ABCC12: variants seen among roughly 807,000 people sequenced by gnomAD.
ABCC12 encodes the protein ATP binding cassette subfamily C member 12, also known as ATP-binding cassette sub-family C member 12.
ABCC12 carries 142 observed loss-of-function variants against 151.1 expected under a neutral mutation model. The observed-to-expected ratio is 0.94, with a 90% CI of 0.82 to 1.08. The LOEUF (loss-of-function observed/expected upper bound fraction) is 1.08, where lower values mean the gene tolerates loss of function less well. Among genes scored for constraint, ABCC12 ranks in the 50% least tolerant of loss-of-function variants. The pLI is 0.00. For synonymous variants in ABCC12, 645 were observed against 646.4 expected, an observed-to-expected ratio of 1.00 and a Z score of 0.03; for missense variants, 1,638 against 1,691.1, an observed-to-expected ratio of 0.97 and a Z score of 0.55.
At chr16:48,114,645 C>T (rs1015509490) in intron 15 of ABCC12, among the ~76,000 whole-genome samples, 3 of 152,184 alleles carry the variant, frequency 2.0e-5, no homozygotes, top group African/African-American at 7.2e-5. Flanking sequence ...TGCACTGCCC[C>T]CCCTTCCCCC....
At chr16:48,095,658 G>A (rs1186552385) in intron 24 of ABCC12, among the ~76,000 whole-genome samples, 1 of 150,662 alleles carries the variant, frequency 6.6e-6, no homozygotes, top group Non-Finnish European at 1.5e-5. Flanking sequence ...AAGAAACATA[G>A]AGAATTGATG....
chr16:48,128,361 C>G (rs1429429772), intron 11 of ABCC12, 98 bp downstream of exon 11: 2 of 1,515,124 alleles, frequency 1.3e-6, no homozygotes, highest in Non-Finnish European at 1.8e-6. Context: ...CCATCACCAC[C>G]TTCAGCTCTA....
chr16:48,105,006 C>A (rs1162184314), intron 21 of ABCC12, 133 bp downstream of exon 21: 1 of 1,017,842 alleles, frequency 9.8e-7, no homozygotes, highest in Non-Finnish European at 1.5e-6. Flanking sequence ...GAGACTCTTC[C>A]CAGACTAGAC....
chr16:48,091,006 C>A, intron 25 of ABCC12, 114 bp downstream of exon 25: 2 of 1,040,588 alleles, frequency 1.9e-6, no homozygotes, highest in South Asian at 1.3e-5. Flanking sequence ...CCACCACGCC[C>A]GGCCCGATTT....
rs1183120511 is a variant in ABCC12 at position 48,115,612 on chromosome 16, C to T, written c.1792G>A (p.Glu598Lys). ...LPYGDLTEIG[E>K]RGLNLSGGQR... ...CCCCCAGAGAGGTTGAGGCCCCGCT[C>T]CCCAATCTGTGGACAGGGACAATGC... Residue 598 changes from glutamate (E) to lysine (K), a missense_variant, in exon 15 of 31, where the codon GAG (glutamate) becomes AAG (lysine). Physicochemically the swap from Glu to Lys is moderately conservative, Grantham distance 56 (BLOSUM62 1). Transcript: ENST00000311303. The T allele has an allele frequency of 1.2e-6, 2 of 1,613,166 alleles. No homozygotes were observed. Among genetic ancestry groups the T allele is most frequent in the African/African-American group, 1.3e-5 (1 of 74,930 alleles).
Position 48,141,206 on chromosome 16 carries a change from C to G in ABCC12, c.423G>C (p.Pro141=). 1 of 1,613,406 alleles carries G rather than the reference C, an allele frequency of 6.2e-7. No individual in the cohort carries two copies. The change falls in exon 5 of 31, where the codon CCG becomes CCC. Residue 141 remains proline, a splice_region_variant and synonymous_variant. Transcript: ENST00000311303. ...GAGGAGGAAGGGCTGCCGCACTCAC[C>G]GGCCCTATGGCTGCCATGATGATGC... is the stretch of plus-strand genomic sequence containing the variant. The part of the protein sequence containing the change: ...ILCIIMAAIG[P]TVLIHQILQQ...
At chr16:48,095,420 T>C (rs1963062176) in intron 24 of ABCC12, among the ~76,000 whole-genome samples, 2 of 152,194 alleles carry the variant, frequency 1.3e-5, no homozygotes, top group African/African-American at 4.8e-5. Context: ...ATCAGCAGTG[T>C]GAGAACTAAC....
chr16:48,145,380 T>C (rs74018276), intron 3 of ABCC12, among the ~76,000 whole-genome samples: 4,893 of 152,310 alleles, frequency 0.032, 250 homozygotes, highest in African/African-American at 0.11. Flanking sequence ...TACAATATGC[T>C]GCAAGGTTGA....
intron 15 of ABCC12, among the ~76,000 whole-genome samples, chr16:48,112,849 C>T (rs942459420): frequency 6.6e-6 from 1 of 152,136 alleles, no homozygotes; most frequent in Non-Finnish European, 1.5e-5. Flanking sequence ...GATAAAAACA[C>T]AGCTACATTT....
rs555574521 is a variant in ABCC12, at chr16:48,143,108, A to T, written c.275+802T>A. 3.3e-5 allele frequency among the ~76,000 whole-genome samples: 5 copies of T among 152,356 alleles called. No individual in the cohort carries two copies. In the South Asian group the frequency reaches 1.0e-3, roughly 32 times the overall value. On this transcript the variant is annotated intron_variant, in intron 4 of 30. Transcript: ENST00000311303. ...GTCAAATATTGGCAGTTTCATTAGGATCAACCTAAATATATTTTGTAATAT... is the reference window on the plus strand; with the variant it reads ...GTCAAATATTGGCAGTTTCATTAGGTTCAACCTAAATATATTTTGTAATAT...
At chr16:48,098,351 A>C (rs1425579160) in intron 23 of ABCC12, among the ~76,000 whole-genome samples, 1 of 152,156 alleles carries the variant, frequency 6.6e-6, no homozygotes, top group Non-Finnish European at 1.5e-5. Context: ...TTCCACGCTT[A>C]AAGCCCTAAG....
rs750844351 is a variant in ABCC12 at position 48,130,861 on chromosome 16, T to C, written c.1163A>G (p.Lys388Arg). Residue 388 changes from lysine (K) to arginine (R), a missense_variant, in exon 10 of 31, where the codon AAG (lysine) becomes AGG (arginine). By Grantham distance (26) the Lys-to-Arg change is conservative. Coordinates refer to ENST00000311303, the MANE Select transcript of ABCC12 (RefSeq NM_001393797.1). The part of the protein sequence containing the change: ...FSVIAMFNVM[K>R]FSIAILPFSI... ...GAAGGGCAAGATTGCAATGGAAAACTTCATTACATTAAACATGGCAATCAC... is the reference window on the plus strand; with the variant it reads ...GAAGGGCAAGATTGCAATGGAAAACCTCATTACATTAAACATGGCAATCAC... 2.9e-5 allele frequency: 46 copies of C among 1,613,462 alleles called. No individual in the cohort carries two copies. Among genetic ancestry groups the C allele is most frequent in the East Asian group, 1.1e-4 (5 of 44,898 alleles).
intron 4 of ABCC12, 128 bp downstream of exon 4, chr16:48,143,782 G>A (rs1964902188): frequency 3.1e-5 from 38 of 1,218,788 alleles, no homozygotes; most frequent in Non-Finnish European, 3.9e-5. Flanking sequence ...TGATTGTGAG[G>A]CCTCCCCAGT....
chr16:48,150,491 A>C (rs557621636), intron 2 of ABCC12, among the ~76,000 whole-genome samples: 1 of 152,340 alleles, frequency 6.6e-6, no homozygotes, highest in East Asian at 1.9e-4. Context: ...AAAAAGCTGC[A>C]GAAAAATACA....
At position 48,121,847 on chromosome 16, in the gene ABCC12, C is replaced by A. The variant is rs777763653; in HGVS notation, c.1588-7G>T. Reference sequence around the variant, plus strand: ...CCCCTTTCTGCAGCTGCATCTGGAACAACAAGACGGGAGAAGCTTCAGGAG... The same window carrying A: ...CCCCTTTCTGCAGCTGCATCTGGAAAAACAAGACGGGAGAAGCTTCAGGAG... On this transcript the variant is annotated splice_polypyrimidine_tract_variant and splice_region_variant and intron_variant, in intron 12 of 30. Coordinates refer to ENST00000311303, the MANE Select transcript of ABCC12 (RefSeq NM_001393797.1). 23 of 1,614,064 alleles carry A rather than the reference C, an allele frequency of 1.4e-5. No individual in the cohort carries two copies. In the African/African-American group the frequency reaches 2.4e-4, roughly 17 times the overall value.
At position 48,100,973 on chromosome 16, in the gene ABCC12, C is replaced by T; in HGVS notation, c.2937G>A (p.Val979=). The change falls in exon 23 of 31, where the codon GTG becomes GTA. Residue 979 remains valine (V), a synonymous_variant. Transcript: ENST00000311303. The stretch of plus-strand genomic sequence containing the variant: ...ACCAGGGTGACCGGCTGACATTCTC[C>T]ACCTTCTTGAGCTCCTGGACTCCTC... The part of the protein sequence containing the change: ...FHRGVQELKK[V]ENVSRSPWFT... 1 of 1,614,220 alleles carries T rather than the reference C, an allele frequency of 6.2e-7. No individual in the cohort carries two copies. Among genetic ancestry groups the T allele is most frequent in the African/African-American group, 1.3e-5 (1 of 75,060 alleles).
chr16:48,085,573 C>T lies in ABCC12; in HGVS notation c.3828+20G>A, dbSNP rs374391485. The T allele has an allele frequency of 6.8e-6, 11 of 1,608,996 alleles. No individual in the cohort carries two copies. In the Admixed American group the frequency reaches 1.7e-4, roughly 24 times the overall value. On this transcript the variant is annotated intron_variant, in intron 29 of 30. Coordinates refer to ENST00000311303, the MANE Select transcript of ABCC12 (RefSeq NM_001393797.1). The stretch of plus-strand genomic sequence containing the variant: ...GGAAATATCCAAAATTTGACCAATC[C>T]ATTTTCCGTGTTTTCTTACCTTTGA...
In ABCC12 at chr16:48,083,340, C is replaced by T. The variant is rs1000855570; in HGVS notation, c.*375G>A. The stretch of plus-strand genomic sequence containing the variant: ...GGCAAGGAAACCTTGCAAACTCCAT[C>T]CTAAGGCATTTTCCCATGTTGTTTA... On this transcript the variant is annotated 3_prime_UTR_variant, in exon 31 of 31. Transcript: ENST00000311303. The T allele has an allele frequency of 2.9e-5, 6 of 203,726 alleles. No homozygotes were observed. The highest frequency in any genetic ancestry group is 1.9e-5 in the Non-Finnish European group (2 of 103,908). The allele number at this position is 203,726 out of a possible 1,614,324, so 12.6% of individuals were successfully genotyped here.
At position 48,115,498 on chromosome 16, in the gene ABCC12, G is replaced by A. The variant is rs1299047713; in HGVS notation, c.1906C>T (p.His636Tyr). The change falls in exon 15 of 31, where the codon CAC becomes TAC. Residue 636 changes from histidine to tyrosine, a missense_variant. Transcript: ENST00000311303. ...TCCTCAAAGACGTGCTTCCCCACGT[G>A]GGCGTCCACGGCCGACAGGGGGTCG... Reference protein sequence around the residue: ...LDDPLSAVDAHVGKHVFEECI... With the variant: ...LDDPLSAVDAYVGKHVFEECI... 1.9e-6 allele frequency: 3 copies of A among 1,614,082 alleles called. No individual in the cohort carries two copies. Among genetic ancestry groups the A allele is most frequent in the Non-Finnish European group, 2.5e-6 (3 of 1,180,044 alleles).
Sources: gnomAD v4.1 joint callset for allele counts (sites outside exome capture counted in the v4.1 genomes callset) on GRCh38, gnomAD v4.1.1 for gene constraint, MANE v1.5 for transcripts, NCBI Gene and HGNC (gene_info 2026-07-23, HGNC 2026-07-21) for gene names.